The following KCNAB2 variants were observed in gnomAD, a reference collection of about 807,000 sequenced individuals.
KCNAB2 encodes the protein potassium voltage-gated channel subfamily A regulatory beta subunit 2, also known as voltage-gated potassium channel subunit beta-2.
KCNAB2 carries 29 observed loss-of-function variants against 63.6 expected under a neutral mutation model. The ratio of observed to expected loss-of-function variants is 0.46; its 90% confidence interval spans 0.34 to 0.62. KCNAB2 has a LOEUF of 0.62. KCNAB2 is among the 20% of genes least tolerant of loss of function. The pLI, the probability that KCNAB2 is intolerant of heterozygous loss-of-function variation, is 0.01. For missense variants in KCNAB2, 359 were observed against 563.9 expected, an observed-to-expected ratio of 0.64 and a Z score of 3.68; for synonymous variants, 222 against 224.2, an observed-to-expected ratio of 0.99 and a Z score of 0.09.
In KCNAB2 at chr1:6,098,822, C is replaced by A; in HGVS notation, c.*248C>A. Reference sequence around the variant, plus strand: ...GGAAGGATGTTCAAACGGTCCCACCCAAGCCTGTCACCTCTGCTCATCCTC... The same window carrying A: ...GGAAGGATGTTCAAACGGTCCCACCAAAGCCTGTCACCTCTGCTCATCCTC... On this transcript the variant is annotated 3_prime_UTR_variant, in exon 16 of 16. Coordinates refer to ENST00000378083, the MANE Select transcript of KCNAB2 (RefSeq NM_001199862.2). 1 of 440,354 alleles carries A rather than the reference C, an allele frequency of 2.3e-6. No individual in the cohort carries two copies. Among genetic ancestry groups the A allele is most frequent in the Non-Finnish European group, 4.1e-6 (1 of 244,756 alleles). The allele number at this position is 440,354 out of a possible 1,614,324, so 27.3% of individuals were successfully genotyped here. A position where few individuals can be genotyped will look rare whatever the true frequency, so the allele number is the denominator to read the frequency against.
Position 6,008,608 on chromosome 1 carries a change from G to A in KCNAB2, c.-53+15820G>A, listed in dbSNP as rs568499566. 2.0e-3 allele frequency among the ~76,000 whole-genome samples: 252 copies of A among 128,130 alleles called. 1 individual carries two copies. Among genetic ancestry groups the A allele is most frequent in the Non-Finnish European group, 3.6e-3 (225 of 61,692 alleles). 84.1% of individuals were successfully genotyped at this position (128,130 alleles called of 152,430 possible). On this transcript the variant is annotated intron_variant, in intron 1 of 16. Coordinates refer to the KCNAB2 transcript ENST00000341524. ...ACCGCTGCACTCCAGCCTGGAGACG[G>A]AGCGAGACTGTCTCAAAAAAAAAAA... is the stretch of plus-strand genomic sequence containing the variant.
chr1:6,031,206 T>G (rs185327165), upstream of KCNAB2, among the ~76,000 whole-genome samples: 715 of 152,306 alleles, frequency 4.7e-3, 12 homozygotes, highest in Non-Finnish European at 4.9e-3. This position sits in a 1 kb window ranked among gnomAD's most constrained non-coding sequence, Gnocchi z 4.1. Context: ...TTTCTTGGCT[T>G]AAGCCATTCA....
chr1:5,997,183 G>A (rs533475030), intron 1 of KCNAB2, among the ~76,000 whole-genome samples: 4 of 152,316 alleles, frequency 2.6e-5, no homozygotes, highest in Non-Finnish European at 5.9e-5. Context: ...TGGAGCTCAG[G>A]TGGTTCCTGG....
intron 1 of KCNAB2, among the ~76,000 whole-genome samples, chr1:6,049,158 C>G (rs1369397641): frequency 6.6e-6 from 1 of 152,256 alleles, no homozygotes; most frequent in African/African-American, 2.4e-5. Context: ...CCAGCCCCGC[C>G]CCCACCAACA....
chr1:6,031,005 T>C (rs1238709445), upstream of KCNAB2, among the ~76,000 whole-genome samples: 1 of 151,786 alleles, frequency 6.6e-6, no homozygotes, highest in Non-Finnish European at 1.5e-5. This position sits in a 1 kb window ranked among gnomAD's most constrained non-coding sequence, Gnocchi z 4.1. Flanking sequence ...AAGTGAGGCA[T>C]TGGGTGTCAG....
chr1:6,008,640 A>G (rs1657968619), intron 1 of KCNAB2, among the ~76,000 whole-genome samples: 1 of 135,076 alleles, frequency 7.4e-6, no homozygotes, highest in Admixed American at 7.4e-5. Context: ...AAAAAAAAGG[A>G]TCACTCAGGA....
At chr1:6,015,027 T>G (rs1300205204) in intron 1 of KCNAB2, among the ~76,000 whole-genome samples, 4 of 139,980 alleles carry the variant, frequency 2.9e-5, no homozygotes, top group African/African-American at 8.0e-5. Context: ...TTTTTTTTTT[T>G]TTTTTTTTTT....
At chr1:5,997,542 G>T (rs1657007557) in intron 1 of KCNAB2, among the ~76,000 whole-genome samples, 1 of 152,230 alleles carries the variant, frequency 6.6e-6, no homozygotes, top group Admixed American at 6.5e-5. Flanking sequence ...GCAGAGCCAT[G>T]CTCTGAGCAT....
intron 4 of KCNAB2, among the ~76,000 whole-genome samples, chr1:6,080,356 C>T (rs1452625285): frequency 1.3e-5 from 2 of 152,174 alleles, no homozygotes; most frequent in Non-Finnish European, 1.5e-5. Flanking sequence ...CTGGGCTCTC[C>T]CTGGGTGGGC....
chr1:6,058,213 A>G (rs980180207), intron 2 of KCNAB2, among the ~76,000 whole-genome samples: 1 of 152,236 alleles, frequency 6.6e-6, no homozygotes, highest in African/African-American at 2.4e-5. Flanking sequence ...ATCCAGGACC[A>G]TCGCATCTTA....
chr1:6,010,811 G>A (rs1658103720), intron 1 of KCNAB2, among the ~76,000 whole-genome samples: 1 of 152,168 alleles, frequency 6.6e-6, no homozygotes, highest in Non-Finnish European at 1.5e-5. Context: ...GCTGGCCCTC[G>A]AGTGTTGAAG....
At chr1:6,004,948 G>T (rs1657478100) in intron 1 of KCNAB2, among the ~76,000 whole-genome samples, 1 of 138,136 alleles carries the variant, frequency 7.2e-6, no homozygotes, top group African/African-American at 2.5e-5. Context: ...GGGTGGAGTG[G>T]GGGGATGTGG....
chr1:6,085,996 TATGGGCC>T (rs1664667495), intron 6 of KCNAB2: 1 of 985,360 alleles, frequency 1.0e-6, no homozygotes. Flanking sequence ...CCCAGGAGCC[TATGGGCC>T]CTTCCCAGGC....
At chr1:6,009,492 G>T (rs1036362836) in intron 1 of KCNAB2, among the ~76,000 whole-genome samples, 2 of 152,248 alleles carry the variant, frequency 1.3e-5, no homozygotes, top group Admixed American at 1.3e-4. Flanking sequence ...AAAGCCTCTT[G>T]CCAGGACTGG....
chr1:6,091,473 G>T (rs1665179728), intron 10 of KCNAB2, among the ~76,000 whole-genome samples, 166 bp downstream of exon 10: 2 of 152,308 alleles, frequency 1.3e-5, no homozygotes, highest in East Asian at 1.9e-4. Context: ...TGAAGGAAAA[G>T]CAAAGTGGTG....
intron 1 of KCNAB2, among the ~76,000 whole-genome samples, chr1:6,013,254 G>C (rs1293628702): frequency 1.3e-5 from 2 of 152,138 alleles, no homozygotes; most frequent in African/African-American, 4.8e-5. Flanking sequence ...CCCACCCCCT[G>C]CCCTCAGTGT....
In KCNAB2 at chr1:6,100,104, A is replaced by G; in HGVS notation, c.*1530A>G. The G allele has an allele frequency of 1.4e-6, 2 of 1,445,914 alleles. No individual in the cohort carries two copies. The highest frequency in any genetic ancestry group is 1.8e-6 in the Non-Finnish European group (2 of 1,097,006). 89.6% of individuals were successfully genotyped at this position (1,445,914 alleles called of 1,614,324 possible). A position where few individuals can be genotyped will look rare whatever the true frequency, so the allele number is the denominator to read the frequency against. On this transcript the variant is annotated 3_prime_UTR_variant, in exon 16 of 16. Coordinates refer to ENST00000378083, the MANE Select transcript of KCNAB2 (RefSeq NM_001199862.2). Reference sequence around the variant, plus strand: ...TTCCCGCTTTGCCCCTGGAGGAGCCACTATTCCAGAAGGCTCCACCCTGCC... The same window carrying G: ...TTCCCGCTTTGCCCCTGGAGGAGCCGCTATTCCAGAAGGCTCCACCCTGCC...
At chr1:6,017,592 G>A (rs980331960) in intron 1 of KCNAB2, among the ~76,000 whole-genome samples, 4 of 152,022 alleles carry the variant, frequency 2.6e-5, no homozygotes, top group South Asian at 2.1e-4. Context: ...TCAGGAGTTC[G>A]AGACCATCTT....
chr1:6,090,578 G>C, intron 9 of KCNAB2, 103 bp downstream of exon 9: 1 of 823,896 alleles, frequency 1.2e-6, no homozygotes, highest in South Asian at 1.6e-5. Flanking sequence ...CTGGGCACCC[G>C]GGTGAGCCGT....
Sources: gnomAD v4.1 joint callset for allele counts (sites outside exome capture counted in the v4.1 genomes callset) on GRCh38, gnomAD v4.1.1 for gene constraint, Gnocchi (gnomAD v3.1) non-coding constraint, MANE v1.5 for transcripts, NCBI Gene and HGNC (gene_info 2026-07-23, HGNC 2026-07-21) for gene names.